Variants in MARCHF1 observed in about 807,000 individuals in gnomAD.
The protein encoded by MARCHF1 is E3 ubiquitin-protein ligase MARCHF1.
Under a neutral mutation model 54.2 loss-of-function variants are expected in MARCHF1, and 40 were observed. The ratio of observed to expected loss-of-function variants is 0.74; its 90% confidence interval spans 0.57 to 0.96. The LOEUF is 0.96. Among genes scored for constraint, MARCHF1 ranks in the 40% least tolerant of loss-of-function variants. MARCHF1 has a pLI of 0.00. For synonymous variants in MARCHF1, 236 were observed against 236.3 expected (o/e 1.00, Z 0.01); for missense variants, 586 against 656.5 (o/e 0.89, Z 1.17).
intron 2 of MARCHF1, among the ~76,000 whole-genome samples, chr4:164,054,086 C>A (rs1754430391): frequency 1.3e-5 from 2 of 151,558 alleles, no homozygotes; most frequent in East Asian, 1.9e-4. Flanking sequence ...AAGAAAAAAA[C>A]AAACAACCCC....
In MARCHF1 at chr4:164,141,631, C is replaced by T. The variant is rs182113011; in HGVS notation, c.-322-29969G>A. On this transcript the variant is annotated intron_variant, in intron 1 of 9. Coordinates refer to ENST00000514618, the MANE Select transcript of MARCHF1 (RefSeq NM_001394959.1). ...GAGCCCATGATTTCACCTGGCGGTG[C>T]GCAAGCTTTGGGGAAAATGGCAACT... 5.4e-4 allele frequency among the ~76,000 whole-genome samples: 82 copies of T among 152,326 alleles called. 1 individual carries two copies. The highest frequency in any genetic ancestry group is 1.0e-3 in the South Asian group (5 of 4,830).
At chr4:164,277,936 G>T (rs371542262) in intron 1 of MARCHF1, among the ~76,000 whole-genome samples, 5 of 152,254 alleles carry the variant, frequency 3.3e-5, no homozygotes, top group East Asian at 1.9e-4. Context: ...TTGGCTAAGT[G>T]GTGGTCCATT....
chr4:164,214,007 A>T (rs1352165901), intron 1 of MARCHF1, among the ~76,000 whole-genome samples: 1 of 152,102 alleles, frequency 6.6e-6, no homozygotes, highest in African/African-American at 2.4e-5. Flanking sequence ...ATTGTGATGC[A>T]TTGTATGTTT....
intron 3 of MARCHF1, among the ~76,000 whole-genome samples, chr4:163,937,062 G>A (rs575124180): frequency 1.3e-5 from 2 of 152,196 alleles, no homozygotes; most frequent in Non-Finnish European, 2.9e-5. Context: ...AAACTCTCAC[G>A]TATTCATCTC....
chr4:163,615,302 G>A (rs1179231205), intron 5 of MARCHF1, among the ~76,000 whole-genome samples: 1 of 151,996 alleles, frequency 6.6e-6, no homozygotes, highest in Non-Finnish European at 1.5e-5. Context: ...AAATATTTAA[G>A]GTAGAGGAAA....
At chr4:163,809,475 G>T (rs1367594165) in intron 4 of MARCHF1, among the ~76,000 whole-genome samples, 2 of 152,106 alleles carry the variant, frequency 1.3e-5, no homozygotes, top group Non-Finnish European at 2.9e-5. Flanking sequence ...TTTGGTAAGA[G>T]AAAATTTCCA....
At chr4:163,653,828 A>G (rs1743051478) in intron 5 of MARCHF1, among the ~76,000 whole-genome samples, 1 of 115,242 alleles carries the variant, frequency 8.7e-6, no homozygotes, top group African/African-American at 3.6e-5. Flanking sequence ...TAGAAATCCA[A>G]GTAAAGATGA....
At chr4:163,877,413 C>G (rs918658290) in intron 3 of MARCHF1, among the ~76,000 whole-genome samples, 4 of 151,516 alleles carry the variant, frequency 2.6e-5, no homozygotes, top group Non-Finnish European at 4.4e-5. Flanking sequence ...GCCTCGGTCC[C>G]ACCCTTGACA....
chr4:163,669,138 A>G (rs1743641718), intron 5 of MARCHF1, among the ~76,000 whole-genome samples: 1 of 152,150 alleles, frequency 6.6e-6, no homozygotes, highest in Non-Finnish European at 1.5e-5. Flanking sequence ...TACATTAAAT[A>G]CTTTATACCT....
chr4:164,344,656 C>G (rs1172803227), intron 1 of MARCHF1, among the ~76,000 whole-genome samples: 2 of 152,102 alleles, frequency 1.3e-5, no homozygotes, highest in Non-Finnish European at 2.9e-5. Flanking sequence ...AGGCAACTAT[C>G]CTTAAAGGAC....
At chr4:164,074,223 T>C (rs980939529) in intron 2 of MARCHF1, among the ~76,000 whole-genome samples, 1 of 152,176 alleles carries the variant, frequency 6.6e-6, no homozygotes, top group East Asian at 1.9e-4. Context: ...GCCTTCCCTT[T>C]CCTTCACTAC....
chr4:164,342,441 C>G (rs1729956126), intron 1 of MARCHF1, among the ~76,000 whole-genome samples: 1 of 151,894 alleles, frequency 6.6e-6, no homozygotes, highest in Non-Finnish European at 1.5e-5. Flanking sequence ...CACCCATTAA[C>G]TCGTCATTAC....
intron 1 of MARCHF1, among the ~76,000 whole-genome samples, chr4:164,348,332 A>T (rs1730173985): frequency 6.6e-6 from 1 of 152,210 alleles, no homozygotes; most frequent in African/African-American, 2.4e-5. Flanking sequence ...TTGCTTCAAA[A>T]CAAAATGAGG....
chr4:164,347,353 T>A (rs1316891079), intron 1 of MARCHF1, among the ~76,000 whole-genome samples: 1 of 152,192 alleles, frequency 6.6e-6, no homozygotes. Flanking sequence ...CTTGTATGGC[T>A]GAAGAATCAG....
intron 4 of MARCHF1, among the ~76,000 whole-genome samples, chr4:163,707,264 A>C (rs1744976110): frequency 6.6e-6 from 1 of 152,076 alleles, no homozygotes; most frequent in Non-Finnish European, 1.5e-5. Context: ...CAAAAAGTTA[A>C]AGTGAGTAAA....
At chr4:163,865,206 AG>A (rs1750022404) in intron 3 of MARCHF1, among the ~76,000 whole-genome samples, 2 of 151,948 alleles carry the variant, frequency 1.3e-5, no homozygotes. Flanking sequence ...AGAAGGGTAA[AG>A]AAAAGGAAGC....
At chr4:164,202,023 A>G (rs189451583) in intron 1 of MARCHF1, among the ~76,000 whole-genome samples, 146 of 152,346 alleles carry the variant, frequency 9.6e-4, no homozygotes, top group Middle Eastern at 3.4e-3. Context: ...CTCTAGGGCT[A>G]TAGTAGCGAA....
At chr4:163,531,762 A>G (rs1315583054) in intron 9 of MARCHF1, among the ~76,000 whole-genome samples, 2 of 151,828 alleles carry the variant, frequency 1.3e-5, no homozygotes, top group Non-Finnish European at 1.5e-5. Flanking sequence ...CAAAAAGTCA[A>G]TTGCTTTCCT....
chr4:164,188,109 G>C (rs992978593), intron 1 of MARCHF1, among the ~76,000 whole-genome samples: 1 of 152,138 alleles, frequency 6.6e-6, no homozygotes, highest in South Asian at 2.1e-4. Flanking sequence ...AGCCGAGGGC[G>C]ACATAGAGAA....
Sources: allele counts gnomAD v4.1 joint callset (sites outside exome capture counted in the v4.1 genomes callset), GRCh38; gene constraint gnomAD v4.1.1; transcripts MANE v1.5; gene names NCBI Gene and HGNC (gene_info 2026-07-23, HGNC 2026-07-21).